Variants in STS observed in about 807,000 individuals in gnomAD.
STS encodes steryl-sulfatase.
Under a neutral mutation model 26.8 loss-of-function variants are expected in STS, and 7 were observed. The ratio of observed to expected loss-of-function variants is 0.26; its 90% CI spans 0.15 to 0.49. The LOEUF (loss-of-function observed/expected upper bound fraction) is 0.49, where lower values mean the gene tolerates loss of function less well. STS is among the 20% of genes least tolerant of loss of function. STS has a pLI of 0.98. For missense variants in STS, 434 were observed against 465.6 expected, an observed-to-expected ratio of 0.93 and a Z score of 0.63; for synonymous variants, 199 against 189.4, an observed-to-expected ratio of 1.05 and a Z score of -0.42.
chrX:7,196,078 A>G (rs1200200973), intron 2 of STS, among the ~76,000 whole-genome samples: 5 of 90,191 alleles, frequency 5.5e-5, no homozygotes, highest in African/African-American at 2.1e-4. Context: ...CCTTGTAACA[A>G]AAGGCAGATA....
chrX:7,287,660 A>C (rs1925201337), intron 7 of STS, among the ~76,000 whole-genome samples: 1 of 103,148 alleles, frequency 9.7e-6, no homozygotes, highest in Non-Finnish European at 2.0e-5. Context: ...TCCTTTTTTA[A>C]AATTTTTTTA....
chrX:7,261,027 AC>A (rs1426820088), intron 6 of STS, among the ~76,000 whole-genome samples: 1 of 110,979 alleles, frequency 9.0e-6, no homozygotes, highest in African/African-American at 3.3e-5. Context: ...ATATTATAAT[AC>A]ATAATATAGA....
intron 2 of STS, among the ~76,000 whole-genome samples, chrX:7,233,635 C>T (rs180965346): frequency 4.0e-4 from 45 of 111,531 alleles, no homozygotes; most frequent in Admixed American, 1.4e-3. Context: ...CAGCTGTATG[C>T]ACCAATTTAT....
Position 7,310,581 on chromosome X carries a change from T to C in STS, c.1081+5398T>C, listed in dbSNP as rs188324158. Among the ~76,000 whole-genome samples, 73 of 111,880 alleles carry C rather than the reference T, an allele frequency of 6.5e-4. 1 individual carries two copies. The East Asian group carries it at 0.019, about 30-fold the overall frequency. ...GTGGCCCCACCCCTAGCTTCACTTT[T>C]CTAAATCAGGGTTCAAAGCCTTTGA... On this transcript the variant is annotated intron_variant, in intron 8 of 10. Transcript: ENST00000674429.
At chrX:7,253,000 A>G (rs1923213935) in intron 2 of STS, among the ~76,000 whole-genome samples, 196 bp from the exon 3 acceptor site, 1 of 110,825 alleles carries the variant, frequency 9.0e-6, no homozygotes, top group Non-Finnish European at 1.9e-5. Flanking sequence ...AATCCACAAA[A>G]ATTAGCTGGG....
At chrX:7,156,447 T>C (rs1270210698) in intron 1 of STS, among the ~76,000 whole-genome samples, 1 of 111,489 alleles carries the variant, frequency 9.0e-6, no homozygotes, top group Non-Finnish European at 1.9e-5. Flanking sequence ...AACACATGTA[T>C]TTTCTTCTCT....
intron 2 of STS, among the ~76,000 whole-genome samples, chrX:7,243,997 C>A (rs954647126): frequency 9.0e-6 from 1 of 110,769 alleles, no homozygotes; most frequent in East Asian, 2.8e-4. Flanking sequence ...TGAACCCGGG[C>A]GGCAGAGGTT....
intron 2 of STS, among the ~76,000 whole-genome samples, chrX:7,191,392 T>C (rs1467563665): frequency 8.9e-6 from 1 of 112,177 alleles, no homozygotes; most frequent in Non-Finnish European, 1.9e-5. Flanking sequence ...TTGAGGTGGC[T>C]CTACTCTAGT....
At chrX:7,186,508 C>A (rs1212573310) in intron 1 of STS, among the ~76,000 whole-genome samples, 1 of 111,323 alleles carries the variant, frequency 9.0e-6, no homozygotes, top group Non-Finnish European at 1.9e-5. Context: ...TGCTAATATC[C>A]CCCTGAGTCC....
chrX:7,175,507 A>AAAACG (rs1443433735), intron 1 of STS, among the ~76,000 whole-genome samples: 1 of 110,538 alleles, frequency 9.0e-6, no homozygotes, highest in Non-Finnish European at 1.9e-5. Context: ...AAAACAAAAC[A>AAAACG]AAACAAAACC....
chrX:7,180,788 G>C (rs750056824), intron 1 of STS, among the ~76,000 whole-genome samples: 3 of 112,146 alleles, frequency 2.7e-5, no homozygotes, highest in Non-Finnish European at 5.6e-5. Flanking sequence ...AATTCCCCCA[G>C]CTACCCAAGA....
chrX:7,210,983 C>T (rs1170919219), intron 2 of STS, among the ~76,000 whole-genome samples: 1 of 110,862 alleles, frequency 9.0e-6, no homozygotes, highest in Non-Finnish European at 1.9e-5. Flanking sequence ...ACCTGACATA[C>T]TTTGTGGGGA....
chrX:7,197,589 A>G (rs1324523708), intron 2 of STS, among the ~76,000 whole-genome samples: 1 of 112,107 alleles, frequency 8.9e-6, no homozygotes, highest in African/African-American at 3.2e-5. Context: ...ATAAAGGATT[A>G]ATTTTCTTAA....
intron 10 of STS, among the ~76,000 whole-genome samples, chrX:7,345,683 T>A (rs1345980718): frequency 9.0e-6 from 1 of 111,340 alleles, no homozygotes; most frequent in East Asian, 2.8e-4. Flanking sequence ...CATTCCAGCC[T>A]TTGTATGAGG....
chrX:7,228,079 T>G (rs1921896936), intron 2 of STS, among the ~76,000 whole-genome samples: 1 of 112,081 alleles, frequency 8.9e-6, no homozygotes, highest in South Asian at 3.7e-4. Flanking sequence ...AGTATTCCAT[T>G]GTATGTATAG....
intron 1 of STS, among the ~76,000 whole-genome samples, chrX:7,183,954 A>G (rs1487891336): frequency 9.0e-6 from 1 of 111,425 alleles, no homozygotes; most frequent in Non-Finnish European, 1.9e-5. Context: ...GTGAGCTGAG[A>G]TCATGCCACT....
chrX:7,191,540 G>A (rs181455824), intron 2 of STS, among the ~76,000 whole-genome samples: 17 of 112,407 alleles, frequency 1.5e-4, no homozygotes, highest in Non-Finnish European at 2.3e-4. Context: ...CCTGGTGGAG[G>A]TGAGGGCTGA....
chrX:7,185,467 C>T (rs1234831924), intron 1 of STS, among the ~76,000 whole-genome samples: 1 of 112,992 alleles, frequency 8.9e-6, no homozygotes, highest in African/African-American at 3.2e-5. Flanking sequence ...CCATACTTAG[C>T]TGACCCCTGT....
At chrX:7,148,498 A>C (rs1342907319) in intron 1 of STS, among the ~76,000 whole-genome samples, 1 of 112,951 alleles carries the variant, frequency 8.9e-6, no homozygotes, top group East Asian at 2.8e-4. Context: ...TGAATGAGGA[A>C]GGAGGGACAG....
Sources: gnomAD v4.1 joint callset for allele counts (sites outside exome capture counted in the v4.1 genomes callset) on GRCh38, gnomAD v4.1.1 for gene constraint, MANE v1.5 for transcripts, NCBI Gene and HGNC (gene_info 2026-07-23, HGNC 2026-07-21) for gene names.